Variants in PATJ observed in about 807,000 individuals in gnomAD.
The protein encoded by PATJ is inaD-like protein.
In PATJ, 190 loss-of-function variants were observed where a neutral mutation model predicts 224.9. The ratio of observed to expected loss-of-function variants is 0.84; its 90% CI spans 0.75 to 0.95. PATJ has a LOEUF of 0.95. Ranked by LOEUF, PATJ falls within the 40% of genes least tolerant of loss-of-function variation. The probability of loss-of-function intolerance (pLI) is 0.00; values close to 1 mark genes in which losing one functional copy is unlikely to be tolerated. For missense variants in PATJ, 2,121 were observed against 2,270.3 expected (o/e 0.93, Z 1.34); for synonymous variants, 769 against 820.3 (o/e 0.94, Z 1.07).
At chr1:61,996,488 T>A (rs568908926) in intron 28 of PATJ, among the ~76,000 whole-genome samples, 1 of 152,298 alleles carries the variant, frequency 6.6e-6, no homozygotes, top group South Asian at 2.1e-4. Flanking sequence ...TGGATAAGAT[T>A]ACTTATAATT....
At chr1:62,143,545 G>A (rs1667718733) in intron 41 of PATJ, among the ~76,000 whole-genome samples, 1 of 146,196 alleles carries the variant, frequency 6.8e-6, no homozygotes, top group Non-Finnish European at 1.5e-5. Flanking sequence ...CTGCCTCCTG[G>A]GTTCAAGCGA....
At position 61,836,101 on chromosome 1, in the gene PATJ, A is replaced by T. The variant is rs144178000; in HGVS notation, c.2112+2316A>T. ...TAAAGGATGGAAAGAAAAACTAGAT[A>T]GTCCTTAAGAATTTAATCCCTAGTT... On this transcript the variant is annotated intron_variant, in intron 17 of 43. Coordinates refer to ENST00000642238, the MANE Select transcript of PATJ (RefSeq NM_001350145.3). Among the ~76,000 whole-genome samples, 35 of 152,336 alleles carry T rather than the reference A, an allele frequency of 2.3e-4. No homozygotes were observed. The East Asian group carries it at 6.2e-3, about 27-fold the overall frequency.
At chr1:61,983,561 T>C (rs547226707) in intron 27 of PATJ, among the ~76,000 whole-genome samples, 1 of 152,264 alleles carries the variant, frequency 6.6e-6, no homozygotes, top group South Asian at 2.1e-4. Context: ...CTAAAGCTTT[T>C]AGATTTCCAA....
rs144929297 is a variant in PATJ at position 62,038,242 on chromosome 1, T to G, written c.4032+193T>G. Among the ~76,000 whole-genome samples the G allele has an allele frequency of 4.4e-3, 670 of 152,324 alleles. 6 individuals carry two copies. The highest frequency in any genetic ancestry group is 0.015 in the African/African-American group (636 of 41,578). On this transcript the variant is annotated intron_variant, in intron 30 of 43. Transcript: ENST00000642238. Reference sequence around the variant, plus strand: ...GTAAATATATTAGAACCTAACCATATAAGTATTACCTTCCTCAAAGTTGCT... The same window carrying G: ...GTAAATATATTAGAACCTAACCATAGAAGTATTACCTTCCTCAAAGTTGCT...
chr1:62,044,098 G>T (rs932496104), intron 30 of PATJ, among the ~76,000 whole-genome samples: 3 of 152,120 alleles, frequency 2.0e-5, no homozygotes, highest in Non-Finnish European at 2.9e-5. Context: ...ATTTCTTCCC[G>T]TACTTATTTT....
chr1:61,865,848 A>G (rs931734114), intron 20 of PATJ, among the ~76,000 whole-genome samples: 3 of 152,140 alleles, frequency 2.0e-5, no homozygotes, highest in African/African-American at 7.2e-5. Context: ...GTGTTCTCTC[A>G]GTGGGCAGAT....
chr1:61,774,542 C>A (rs1246223530), intron 6 of PATJ, among the ~76,000 whole-genome samples: 1 of 152,218 alleles, frequency 6.6e-6, no homozygotes, highest in African/African-American at 2.4e-5. Flanking sequence ...GTCCTACCAC[C>A]ATTAGATTCT....
intron 27 of PATJ, among the ~76,000 whole-genome samples, chr1:61,933,827 AC>A (rs1172486489): frequency 6.6e-6 from 1 of 151,982 alleles, no homozygotes; most frequent in Non-Finnish European, 1.5e-5. Flanking sequence ...CCATCCCCCA[AC>A]CCTAAAATGA....
chr1:61,997,785 T>TTTG (rs557596084), intron 28 of PATJ, among the ~76,000 whole-genome samples: 1 of 137,046 alleles, frequency 7.3e-6, no homozygotes, highest in Non-Finnish European at 1.5e-5. Context: ...TGTGTGCGGT[T>TTTG]TTTTGTTTTG....
intron 37 of PATJ, among the ~76,000 whole-genome samples, chr1:62,119,358 A>G (rs951994204): frequency 6.6e-6 from 1 of 152,194 alleles, no homozygotes; most frequent in Non-Finnish European, 1.5e-5. Context: ...AGACCCATTT[A>G]AAAAATCAGG....
intron 31 of PATJ, among the ~76,000 whole-genome samples, chr1:62,052,977 T>A (rs1653903448): frequency 6.6e-6 from 1 of 152,118 alleles, no homozygotes; most frequent in Non-Finnish European, 1.5e-5. Context: ...CATCCCCAAT[T>A]TCATCCACAG....
intron 41 of PATJ, among the ~76,000 whole-genome samples, chr1:62,136,477 T>TTGTGTGTGTG (rs111398189): frequency 2.7e-5 from 4 of 149,208 alleles, no homozygotes; most frequent in South Asian, 4.3e-4. Context: ...TGGGCTTTTC[T>TTGTGTGTGTG]TGTGTGTGTG....
intron 27 of PATJ, among the ~76,000 whole-genome samples, chr1:61,973,769 TAG>T (rs1204931358): frequency 6.6e-6 from 1 of 151,988 alleles, no homozygotes; most frequent in East Asian, 1.9e-4. Context: ...CAAATGATTG[TAG>T]AGAGTGTTCC....
In PATJ at chr1:61,827,532, A is replaced by G. The variant is rs2148753995; in HGVS notation, c.1929A>G (p.Glu643=). Residue 643 remains glutamate (E), a synonymous_variant, in exon 16 of 44, where the codon GAA becomes GAG. Transcript: ENST00000642238. ...GCTGTCGGAGGTTGTTTGATGATGAAGCTTCTGTAGATGAACCAAGGCGCA... is the reference window on the plus strand; with the variant it reads ...GCTGTCGGAGGTTGTTTGATGATGAGGCTTCTGTAGATGAACCAAGGCGCA... ...LVCCRRLFDD[E]ASVDEPRRTE... The G allele has an allele frequency of 6.2e-7, 1 of 1,614,008 alleles. No individual in the cohort carries two copies. The highest frequency in any genetic ancestry group is 8.5e-7 in the Non-Finnish European group (1 of 1,179,994).
At chr1:61,969,225 A>G (rs1682598489) in intron 27 of PATJ, among the ~76,000 whole-genome samples, 1 of 152,176 alleles carries the variant, frequency 6.6e-6, no homozygotes, top group South Asian at 2.1e-4. Context: ...CTTTGCTTTC[A>G]ATTATTTTAG....
At chr1:61,888,093 A>G (rs965731138) in intron 22 of PATJ, among the ~76,000 whole-genome samples, 5 of 152,188 alleles carry the variant, frequency 3.3e-5, no homozygotes, top group African/African-American at 1.2e-4. Flanking sequence ...TCTACTCTGC[A>G]AAAGCCAGGC....
At chr1:61,761,796 C>T (rs1645987708) in intron 1 of PATJ, among the ~76,000 whole-genome samples, 1 of 151,954 alleles carries the variant, frequency 6.6e-6, no homozygotes, top group African/African-American at 2.4e-5. Context: ...AGTGATCCTC[C>T]TGCCTCAGCC....
At chr1:61,871,555 A>ACACCACACCATGG in intron 20 of PATJ, among the ~76,000 whole-genome samples, 1 of 58,090 alleles carries the variant, frequency 1.7e-5, no homozygotes, top group East Asian at 8.9e-4. Context: ...ATATATATAT[A>ACACCACACCATGG]TATTTTTTTT....
intron 30 of PATJ, chr1:62,038,671 G>A (rs1340730460): frequency 8.0e-6 from 2 of 250,470 alleles, no homozygotes; most frequent in East Asian, 1.0e-4. Context: ...CCCTAAGGAA[G>A]TTAACGTTCA....
Sources: allele counts gnomAD v4.1 joint callset (sites outside exome capture counted in the v4.1 genomes callset), GRCh38; gene constraint gnomAD v4.1.1; transcripts MANE v1.5; gene names NCBI Gene and HGNC (gene_info 2026-07-23, HGNC 2026-07-21).